HDAC1: variants seen among roughly 807,000 people sequenced by gnomAD.
HDAC1 encodes the protein histone deacetylase 1.
Under a neutral mutation model 65.5 loss-of-function variants are expected in HDAC1, and 18 were observed. The observed-to-expected ratio is 0.27, with a 90% confidence interval of 0.19 to 0.41. The LOEUF is 0.41. HDAC1 is among the 10% of genes least tolerant of loss of function. HDAC1 has a pLI of 1.00. For missense variants in HDAC1, 373 were observed against 625.2 expected (o/e 0.60, Z 4.30); for synonymous variants, 211 against 227.9 (o/e 0.93, Z 0.67).
At position 32,292,180 on chromosome 1, in the gene HDAC1, C is replaced by A. The variant is rs1640707033; in HGVS notation, c.11C>A (p.Thr4Lys). The A allele has an allele frequency of 6.5e-6, 10 of 1,548,470 alleles. No individual in the cohort carries two copies. Among genetic ancestry groups the A allele is most frequent in the Non-Finnish European group, 8.7e-6 (10 of 1,146,378 alleles). The change falls in exon 1 of 14, where the codon ACG (threonine) becomes AAG (lysine). Residue 4 changes from threonine (T) to lysine (K), a missense_variant. Around this residue, in one of 4 missense-constraint regions of HDAC1, gnomAD observed 80 missense variants for 126.3 expected, o/e 0.63. Transcript: ENST00000373548. ...CGGGAGGCGAGCAAGATGGCGCAGACGCAGGGCACCCGGAGGAAAGTCTGT... is the reference window on the plus strand; with the variant it reads ...CGGGAGGCGAGCAAGATGGCGCAGAAGCAGGGCACCCGGAGGAAAGTCTGT... MAQ[T>K]QGTRRKVCYY...
chr1:32,330,855 C>T lies in HDAC1; in HGVS notation c.926C>T (p.Ala309Val), dbSNP rs1478424138. The change falls in exon 9 of 14, where the codon GCC becomes GTC. Residue 309 changes from alanine to valine, a missense_variant. Coordinates refer to ENST00000373548, the MANE Select transcript of HDAC1 (RefSeq NM_004964.3). The surrounding 1 kb of genome is among the most constrained non-coding windows in gnomAD (Gnocchi z 4.2). ...GGGGYTIRNV[A>V]RCWTYETAVA... Reference sequence around the variant, plus strand: ...GGTGGTTACACCATTCGTAACGTTGCCCGGTGCTGGACATATGAGACAGCT... The same window carrying T: ...GGTGGTTACACCATTCGTAACGTTGTCCGGTGCTGGACATATGAGACAGCT... 6.2e-7 allele frequency: 1 copy of T among 1,614,096 alleles called. No individual in the cohort carries two copies. The highest frequency in any genetic ancestry group is 2.2e-5 in the East Asian group (1 of 44,886).
At position 32,316,663 on chromosome 1, in the gene HDAC1, A is replaced by G. The variant is rs2148065239; in HGVS notation, c.163-2A>G. ...TTGCCCTTTCTCCCTTCTGCCCTCTAGCGCCCTCACAAAGCCAATGCTGAG... is the reference window on the plus strand; with the variant it reads ...TTGCCCTTTCTCCCTTCTGCCCTCTGGCGCCCTCACAAAGCCAATGCTGAG... On this transcript the variant is annotated splice_acceptor_variant, in intron 2 of 13. Transcript: ENST00000373548. LOFTEE classifies it high-confidence loss of function. 1 of 1,595,228 alleles carries G rather than the reference A, an allele frequency of 6.3e-7. No individual in the cohort carries two copies. Among genetic ancestry groups the G allele is most frequent in the South Asian group, 1.1e-5 (1 of 90,722 alleles).
At chr1:32,309,460 G>C (rs1268612434) in intron 2 of HDAC1, among the ~76,000 whole-genome samples, 2 of 152,136 alleles carry the variant, frequency 1.3e-5, no homozygotes, top group Non-Finnish European at 2.9e-5. Context: ...GCCGAGGCAG[G>C]CGGATCACCT....
intron 2 of HDAC1, among the ~76,000 whole-genome samples, chr1:32,312,355 A>T (rs1355667531): frequency 1.3e-5 from 2 of 151,614 alleles, no homozygotes; most frequent in Non-Finnish European, 2.9e-5. Flanking sequence ...AATAGTATGA[A>T]TTTTTTATTT....
chr1:32,321,116 A>C (rs1641136969), intron 3 of HDAC1, among the ~76,000 whole-genome samples: 1 of 151,060 alleles, frequency 6.6e-6, no homozygotes, highest in South Asian at 2.1e-4. Context: ...CTGTAGTCCC[A>C]GCTACTTGGG....
At chr1:32,299,124 AG>A (rs1640811180) in intron 1 of HDAC1, among the ~76,000 whole-genome samples, 1 of 152,232 alleles carries the variant, frequency 6.6e-6, no homozygotes, top group Non-Finnish European at 1.5e-5. Context: ...TTAATCATAA[AG>A]GATGCAGTCA....
At chr1:32,304,778 G>C (rs113398491) in intron 2 of HDAC1, among the ~76,000 whole-genome samples, 6,254 of 152,176 alleles carry the variant, frequency 0.041, 428 homozygotes, top group African/African-American at 0.14. Context: ...GCCCAGGCTG[G>C]TCTTAAATTC....
intron 1 of HDAC1, among the ~76,000 whole-genome samples, chr1:32,294,024 C>CA (rs1000043838): frequency 2.7e-5 from 4 of 150,638 alleles, no homozygotes; most frequent in African/African-American, 9.8e-5. Context: ...GCTGAGATCT[C>CA]ACCACTGCAC....
intron 2 of HDAC1, among the ~76,000 whole-genome samples, chr1:32,315,737 G>C (rs1641052093): frequency 6.6e-6 from 1 of 150,962 alleles, no homozygotes; most frequent in Non-Finnish European, 1.5e-5. Flanking sequence ...AGGCCGAGGA[G>C]GGCGGATCAC....
chr1:32,332,441 T>G (rs891370530), intron 12 of HDAC1, among the ~76,000 whole-genome samples, 199 bp downstream of exon 12: 4 of 152,190 alleles, frequency 2.6e-5, no homozygotes, highest in African/African-American at 9.7e-5. Context: ...GGCTCTCACA[T>G]ACCACCCCAG....
Position 32,327,397 on chromosome 1 carries a change from TTCCTTCA to T in HDAC1, c.495-138_495-132del. The T allele has an allele frequency of 1.4e-6, 1 of 725,224 alleles. No individual in the cohort carries two copies. Among genetic ancestry groups the T allele is most frequent in the Non-Finnish European group, 2.4e-6 (1 of 419,092 alleles). 44.9% of individuals were successfully genotyped at this position (725,224 alleles called of 1,614,324 possible). ...GGAGACACCCGGCCGCTCTTCCACC[TTCCTTCA>T]GCCAGTTTCCACGTCTCTGGTGCTT... On this transcript the variant is annotated intron_variant, in intron 5 of 13. Transcript: ENST00000373548. The surrounding 1 kb of genome is among the most constrained non-coding windows in gnomAD (Gnocchi z 6.0).
At chr1:32,326,610 C>T (rs1641220844) in intron 4 of HDAC1, among the ~76,000 whole-genome samples, 1 of 151,834 alleles carries the variant, frequency 6.6e-6, no homozygotes, top group Admixed American at 6.6e-5. Flanking sequence ...GAGCAGTTAC[C>T]CTTACTGTTA....
At chr1:32,318,556 A>C (rs80302211) in intron 3 of HDAC1, among the ~76,000 whole-genome samples, 1 of 125,136 alleles carries the variant, frequency 8.0e-6, no homozygotes, top group African/African-American at 4.6e-5. Context: ...GAGCGAGACC[A>C]AAAAAAAAAA....
rs532388727 is a variant in HDAC1 at position 32,295,597 on chromosome 1, T to C, written c.49+3379T>C. On this transcript the variant is annotated intron_variant, in intron 1 of 13. Coordinates refer to ENST00000373548, the MANE Select transcript of HDAC1 (RefSeq NM_004964.3). ...GCAAAAAAGGATAAACTCTGTTTTTTTATATGGCCATTAATGTATTAGTGA... is the reference window on the plus strand; with the variant it reads ...GCAAAAAAGGATAAACTCTGTTTTTCTATATGGCCATTAATGTATTAGTGA... 2.6e-5 allele frequency among the ~76,000 whole-genome samples: 4 copies of C among 152,226 alleles called. No homozygotes were observed. In the South Asian group the frequency reaches 8.3e-4, roughly 32 times the overall value.
rs557920581 is a variant in HDAC1, at chr1:32,295,880, A to C, written c.49+3662A>C. The stretch of plus-strand genomic sequence containing the variant: ...AGTGTTGGGATTATAGGCATGACCC[A>C]CCATTCCTGGCTGCTAGCAATTTTA... On this transcript the variant is annotated intron_variant, in intron 1 of 13. Transcript: ENST00000373548. Among the ~76,000 whole-genome samples the C allele has an allele frequency of 5.3e-5, 8 of 152,272 alleles. 1 individual carries two copies. Among genetic ancestry groups the C allele is most frequent in the African/African-American group, 1.9e-4 (8 of 41,546 alleles).
chr1:32,327,190 G>C lies in HDAC1; in HGVS notation c.494+113G>C. On this transcript the variant is annotated intron_variant, in intron 5 of 13. Coordinates refer to ENST00000373548, the MANE Select transcript of HDAC1 (RefSeq NM_004964.3). The surrounding 1 kb of genome is among the most constrained non-coding windows in gnomAD (Gnocchi z 6.0). ...CTTTTCCTACCGATGTGCTGGCTAGGATGTGCTCGGTGAGTGTCTCTGGCC... is the reference window on the plus strand; with the variant it reads ...CTTTTCCTACCGATGTGCTGGCTAGCATGTGCTCGGTGAGTGTCTCTGGCC... 1 of 1,057,002 alleles carries C rather than the reference G, an allele frequency of 9.5e-7. No individual in the cohort carries two copies. Among genetic ancestry groups the C allele is most frequent in the Non-Finnish European group, 1.4e-6 (1 of 711,768 alleles). The allele number at this position is 1,057,002 out of a possible 1,614,324, so 65.5% of individuals were successfully genotyped here. A position where few individuals can be genotyped will look rare whatever the true frequency, so the allele number is the denominator to read the frequency against.
chr1:32,321,632 A>G (rs1557608889), intron 3 of HDAC1, among the ~76,000 whole-genome samples: 2 of 151,968 alleles, frequency 1.3e-5, no homozygotes, highest in Admixed American at 6.6e-5. Flanking sequence ...CTGCTCTTCC[A>G]TTTGCCCCCT....
chr1:32,332,506 G>A (rs1026847077), intron 12 of HDAC1, among the ~76,000 whole-genome samples, 195 bp from the exon 13 acceptor site: 23 of 152,196 alleles, frequency 1.5e-4, no homozygotes, highest in African/African-American at 5.1e-4. Context: ...CGCCCACCAG[G>A]TTCTGGCTGT....
At chr1:32,300,066 A>G (rs10914546) in intron 1 of HDAC1, among the ~76,000 whole-genome samples, 1 of 151,990 alleles carries the variant, frequency 6.6e-6, no homozygotes. Context: ...TCAAAAAAAA[A>G]GAAAAAAGGA....
Sources: allele counts gnomAD v4.1 joint callset (sites outside exome capture counted in the v4.1 genomes callset), GRCh38; gene constraint gnomAD v4.1.1; regional missense constraint gnomAD v4.1.1; non-coding constraint Gnocchi (gnomAD v3.1); transcripts MANE v1.5; gene names NCBI Gene and HGNC (gene_info 2026-07-23, HGNC 2026-07-21).